The following CORO1C variants were observed in gnomAD, a reference collection of about 807,000 sequenced individuals.
CORO1C encodes the protein coronin-1C.
In CORO1C, 14 loss-of-function variants were observed where a neutral mutation model predicts 51.2. That is an observed-to-expected ratio of 0.27 (90% confidence interval 0.18 to 0.43). The LOEUF (loss-of-function observed/expected upper bound fraction) is 0.43, where lower values mean the gene tolerates loss of function less well. Among genes scored for constraint, CORO1C ranks in the 20% least tolerant of loss-of-function variants. CORO1C has a pLI of 1.00. For synonymous variants in CORO1C, 181 were observed against 210.5 expected (o/e 0.86, Z 1.21); for missense variants, 417 against 607.8 (o/e 0.69, Z 3.30).
At chr12:108,648,227 CCA>C (rs2032464710) in intron 10 of CORO1C, among the ~76,000 whole-genome samples, 1 of 152,126 alleles carries the variant, frequency 6.6e-6, no homozygotes, top group South Asian at 2.1e-4. Flanking sequence ...GCCTATGACC[CCA>C]CACTCCCATG....
chr12:108,722,013 C>G (rs532048737), intron 1 of CORO1C, among the ~76,000 whole-genome samples: 3 of 152,304 alleles, frequency 2.0e-5, no homozygotes, highest in African/African-American at 7.2e-5. Flanking sequence ...GGCATGGTTT[C>G]TTCCTGATTC....
chr12:108,725,821 A>T (rs547367622), intron 1 of CORO1C, among the ~76,000 whole-genome samples: 82 of 152,078 alleles, frequency 5.4e-4, no homozygotes, highest in South Asian at 3.7e-3. Context: ...TTATTTATTT[A>T]TTTTTTTGAG....
chr12:108,704,859 C>A (rs544510637), intron 1 of CORO1C, among the ~76,000 whole-genome samples: 2 of 152,228 alleles, frequency 1.3e-5, no homozygotes, highest in Admixed American at 1.3e-4. Context: ...ACTTCCTGGC[C>A]GTGGTACAGT....
At chr12:108,649,585 T>C (rs2032547670) in intron 8 of CORO1C, 1 of 159,154 alleles carries the variant, frequency 6.3e-6, no homozygotes, top group East Asian at 1.9e-4. Context: ...AAAGAGAATG[T>C]AAAGCCACTT....
At chr12:108,648,937 G>T (rs751968578) in intron 9 of CORO1C, 26 bp downstream of exon 9, 1 of 1,612,390 alleles carries the variant, frequency 6.2e-7, no homozygotes, top group Non-Finnish European at 8.5e-7. Flanking sequence ...TTAAAATATG[G>T]ATTGTCTAGA....
At chr12:108,702,264 T>A (rs1424674271) in intron 1 of CORO1C, among the ~76,000 whole-genome samples, 2 of 151,886 alleles carry the variant, frequency 1.3e-5, no homozygotes, top group African/African-American at 4.8e-5. Context: ...AAAGGAAAAA[T>A]GCAGGGGCTA....
intron 1 of CORO1C, chr12:108,703,083 A>G: frequency 2.4e-6 from 2 of 819,342 alleles, no homozygotes; most frequent in Non-Finnish European, 1.8e-6. Flanking sequence ...AAAGGAAAGC[A>G]CATCTATACA....
intron 7 of CORO1C, 36 bp from the exon 8 acceptor site, chr12:108,652,453 T>C (rs1170458513): frequency 1.9e-6 from 3 of 1,583,958 alleles, no homozygotes; most frequent in East Asian, 2.2e-5. Context: ...TGTCTGATTG[T>C]TAACTGAAAC....
intron 1 of CORO1C, among the ~76,000 whole-genome samples, chr12:108,725,975 T>C (rs2035579191): frequency 6.6e-6 from 1 of 151,906 alleles, no homozygotes; most frequent in Admixed American, 6.6e-5. Context: ...TAGCTGGGAC[T>C]ACAGGCGCGT....
intron 1 of CORO1C, among the ~76,000 whole-genome samples, chr12:108,728,306 C>T (rs1018348722): frequency 2.0e-5 from 3 of 150,990 alleles, no homozygotes; most frequent in Admixed American, 6.6e-5. Context: ...AAACAAAATA[C>T]GGCATATCCA....
At chr12:108,715,226 T>C (rs1191326747) in intron 1 of CORO1C, among the ~76,000 whole-genome samples, 2 of 152,046 alleles carry the variant, frequency 1.3e-5, no homozygotes, top group African/African-American at 4.8e-5. Flanking sequence ...AAAGCGAAAC[T>C]GTGTCTCTTA....
chr12:108,663,155 AAGAC>A (rs1465478505), intron 3 of CORO1C, among the ~76,000 whole-genome samples: 1 of 152,270 alleles, frequency 6.6e-6, no homozygotes, highest in Non-Finnish European at 1.5e-5. Flanking sequence ...TAGAATCAAA[AAGAC>A]AGATAACAAG....
At position 108,731,066 on chromosome 12, in the gene CORO1C, A is replaced by T. The variant is rs1466877994; in HGVS notation, c.-6+363T>A. The T allele has an allele frequency of 6.5e-6, 1 of 152,940 alleles. No individual in the cohort carries two copies. Among genetic ancestry groups the T allele is most frequent in the African/African-American group, 2.4e-5 (1 of 41,226 alleles). 9.5% of individuals were successfully genotyped at this position (152,940 alleles called of 1,614,324 possible). A position where few individuals can be genotyped will look rare whatever the true frequency, so the allele number is the denominator to read the frequency against. On this transcript the variant is annotated intron_variant, in intron 1 of 10. Transcript: ENST00000261401. This position sits in a 1 kb window ranked among gnomAD's most constrained non-coding sequence, Gnocchi z 5.2. Reference sequence around the variant, plus strand: ...ACCTCGCCCAAGCAGGCGATCCCTGACCCCTAAAAGCCTTCCCTGGGCAGC... The same window carrying T: ...ACCTCGCCCAAGCAGGCGATCCCTGTCCCCTAAAAGCCTTCCCTGGGCAGC...
chr12:108,655,256 A>T (rs1436932798), intron 6 of CORO1C, among the ~76,000 whole-genome samples: 1 of 152,216 alleles, frequency 6.6e-6, no homozygotes, highest in Non-Finnish European at 1.5e-5. Context: ...ATTTTGATTT[A>T]GACAACTGAT....
Position 108,691,779 on chromosome 12 carries a change from G to A in CORO1C, c.195+9345C>T, listed in dbSNP as rs557447770. 1.9e-4 allele frequency among the ~76,000 whole-genome samples: 29 copies of A among 152,324 alleles called. 4 individuals carry two copies. Among genetic ancestry groups the A allele is most frequent in the African/African-American group, 7.0e-4 (29 of 41,568 alleles). On this transcript the variant is annotated intron_variant, in intron 2 of 10. Coordinates refer to ENST00000261401, the MANE Select transcript of CORO1C (RefSeq NM_014325.4). ...GCTGCTGTGGACATATCAGTGAACTGCAGCAGCAGGAGAAGCTGGCCAAGG... is the reference window on the plus strand; with the variant it reads ...GCTGCTGTGGACATATCAGTGAACTACAGCAGCAGGAGAAGCTGGCCAAGG...
chr12:108,657,486 C>G, intron 5 of CORO1C, 63 bp from the exon 6 acceptor site: 1 of 1,575,794 alleles, frequency 6.3e-7, no homozygotes. Context: ...AGTGGAGAAA[C>G]TCGGGCACAG....
At chr12:108,679,562 C>T (rs10507231) in intron 2 of CORO1C, among the ~76,000 whole-genome samples, 10,673 of 152,280 alleles carry the variant, frequency 0.07, 603 homozygotes, top group East Asian at 0.32. Flanking sequence ...CAGAAAGGAA[C>T]CACTGCAATG....
rs867902313 is a variant in CORO1C at position 108,661,774 on chromosome 12, A to C, written c.448+255T>G. On this transcript the variant is annotated intron_variant, in intron 4 of 10. Coordinates refer to ENST00000261401, the MANE Select transcript of CORO1C (RefSeq NM_014325.4). ...GGAGGGCCCTGGCAGGAACCATGAAACCTGCTGAAATTATAGCAGGAAATT... is the reference window on the plus strand; with the variant it reads ...GGAGGGCCCTGGCAGGAACCATGAACCCTGCTGAAATTATAGCAGGAAATT... Among the ~76,000 whole-genome samples the C allele has an allele frequency of 3.3e-5, 5 of 152,224 alleles. No homozygotes were observed. In the South Asian group the frequency reaches 1.0e-3, roughly 32 times the overall value.
In CORO1C at chr12:108,674,291, G is replaced by A. The variant is rs113167481; in HGVS notation, c.318+3981C>T. On this transcript the variant is annotated intron_variant, in intron 3 of 10. Coordinates refer to ENST00000261401, the MANE Select transcript of CORO1C (RefSeq NM_014325.4). ...ATTAAAAACCTTCTGGGCTGGGCAC[G>A]GTGGCTCACACCTTTGGGAGGCCAA... Among the ~76,000 whole-genome samples the A allele has an allele frequency of 4.6e-5, 7 of 152,284 alleles. 1 individual carries two copies. Among genetic ancestry groups the A allele is most frequent in the South Asian group, 2.1e-4 (1 of 4,820 alleles).
Sources: gnomAD v4.1 joint callset for allele counts (sites outside exome capture counted in the v4.1 genomes callset) on GRCh38, gnomAD v4.1.1 for gene constraint, Gnocchi (gnomAD v3.1) non-coding constraint, MANE v1.5 for transcripts, NCBI Gene and HGNC (gene_info 2026-07-23, HGNC 2026-07-21) for gene names.